The following BATF3 variants were observed in gnomAD, a reference collection of about 807,000 sequenced individuals.
The protein encoded by BATF3 is basic leucine zipper transcriptional factor ATF-like 3.
A neutral mutation model predicts 16.1 loss-of-function variants in BATF3; 8 were observed. The observed-to-expected ratio is 0.50, with a 90% CI of 0.29 to 0.90. The LOEUF is 0.90. BATF3 is among the 40% of genes least tolerant of loss of function. The probability of loss-of-function intolerance (pLI) is 0.08; values close to 1 mark genes in which losing one functional copy is unlikely to be tolerated. For synonymous variants in BATF3, 74 were observed against 72.7 expected (o/e 1.02, Z -0.09); for missense variants, 139 against 167.0 (o/e 0.83, Z 0.92).
chr1:212,693,855 C>T (rs535469859), intron 2 of BATF3, among the ~76,000 whole-genome samples: 1 of 152,272 alleles, frequency 6.6e-6, no homozygotes, highest in South Asian at 2.1e-4. Context: ...ACCTTCTGTG[C>T]TAGGCAGCAT....
intron 1 of BATF3, chr1:212,697,825 C>G (rs1385867693): frequency 6.6e-6 from 1 of 152,148 alleles, no homozygotes; most frequent in Non-Finnish European, 1.5e-5. Flanking sequence ...ACACTTCAAT[C>G]AGCTATAGAA....
At chr1:212,692,159 G>A (rs988953908) in intron 2 of BATF3, among the ~76,000 whole-genome samples, 6 of 152,126 alleles carry the variant, frequency 3.9e-5, no homozygotes, top group Non-Finnish European at 7.4e-5. Flanking sequence ...ACACTCCTAG[G>A]ACTTTGGAGA....
At chr1:212,696,395 A>C (rs1657128381) in intron 2 of BATF3, among the ~76,000 whole-genome samples, 1 of 151,732 alleles carries the variant, frequency 6.6e-6, no homozygotes, top group South Asian at 2.1e-4. Context: ...CAGGGCACTG[A>C]TGGCTGCAAT....
rs765938038 is a variant in BATF3 at position 212,686,908 on chromosome 1, C to A, written c.267G>T (p.Lys89Asn). 2.5e-6 allele frequency: 4 copies of A among 1,614,240 alleles called. No individual in the cohort carries two copies. Among genetic ancestry groups the A allele is most frequent in the Non-Finnish European group, 3.4e-6 (4 of 1,180,044 alleles). ...REIGKLTEEL[K>N]HLTEALKEHE... ...GCTCCTTCAGTGCCTCTGTCAGGTGCTTCAGCTCCTCTGTCAGCTTCCCGA... is the reference window on the plus strand; with the variant it reads ...GCTCCTTCAGTGCCTCTGTCAGGTGATTCAGCTCCTCTGTCAGCTTCCCGA... Residue 89 changes from lysine (K) to asparagine (N), a missense_variant, in exon 3 of 3, where the codon AAG (lysine) becomes AAT (asparagine). By Grantham distance (94) the Lys-to-Asn change is moderately conservative (BLOSUM62 0). Coordinates refer to ENST00000243440, the MANE Select transcript of BATF3 (RefSeq NM_018664.3).
Position 212,686,707 on chromosome 1 carries a change from T to A in BATF3, c.*84A>T. On this transcript the variant is annotated 3_prime_UTR_variant, in exon 3 of 3. Coordinates refer to ENST00000243440, the MANE Select transcript of BATF3 (RefSeq NM_018664.3). ...AGGAGGCCTGGCCACAGGTGCCCCC[T>A]GTATACAATTGTGAAGGAAAAGCCT... is the stretch of plus-strand genomic sequence containing the variant. 1 of 1,488,772 alleles carries A rather than the reference T, an allele frequency of 6.7e-7. No individual in the cohort carries two copies. The allele number at this position is 1,488,772 out of a possible 1,614,324, so 92.2% of individuals were successfully genotyped here.
At chr1:212,691,186 G>C (rs1656993081) in intron 2 of BATF3, among the ~76,000 whole-genome samples, 1 of 152,144 alleles carries the variant, frequency 6.6e-6, no homozygotes, top group African/African-American at 2.4e-5. Context: ...CAGGATCAAG[G>C]ACTGGTAAAG....
chr1:212,687,045 C>T (rs749365779), intron 2 of BATF3, 66 bp from the exon 3 acceptor site: 17 of 1,040,878 alleles, frequency 1.6e-5, no homozygotes, highest in African/African-American at 4.7e-5. Context: ...CCTCCTGTGC[C>T]GCGCTGTTCA....
At chr1:212,690,528 T>C (rs1425751359) in intron 2 of BATF3, among the ~76,000 whole-genome samples, 1 of 152,112 alleles carries the variant, frequency 6.6e-6, no homozygotes. Flanking sequence ...GACGAGCCCT[T>C]TGAAAATAAC....
chr1:212,698,209 A>G (rs1409586175), intron 1 of BATF3: 1 of 152,266 alleles, frequency 6.6e-6, no homozygotes, highest in Admixed American at 6.5e-5. Flanking sequence ...CTTGATAAAC[A>G]AAACCAGAAC....
At position 212,686,762 on chromosome 1, in the gene BATF3, C is replaced by G; in HGVS notation, c.*29G>C. 1 of 1,593,304 alleles carries G rather than the reference C, an allele frequency of 6.3e-7. No homozygotes were observed. The highest frequency in any genetic ancestry group is 8.6e-7 in the Non-Finnish European group (1 of 1,167,820). ...CCCAGGTATGAAAATGACCAAGGCT[C>G]CTTGCTGGGCAGAGGAGTGTCCCCG... On this transcript the variant is annotated 3_prime_UTR_variant, in exon 3 of 3. Transcript: ENST00000243440.
chr1:212,687,725 A>G (rs961416251), intron 2 of BATF3, among the ~76,000 whole-genome samples: 16 of 152,016 alleles, frequency 1.1e-4, no homozygotes, highest in Non-Finnish European at 2.2e-4. Context: ...CAGGAGTTTG[A>G]GACCAGCCTG....
chr1:212,686,889 T>C lies in BATF3; in HGVS notation c.286A>G (p.Lys96Glu). ...AGCGGGCACATCTTCTCGTGCTCCT[T>C]CAGTGCCTCTGTCAGGTGCTTCAGC... ...EELKHLTEAL[K>E]EHEKMCPLLL... Residue 96 changes from lysine to glutamate, a missense_variant, in exon 3 of 3, where the codon AAG (lysine) becomes GAG (glutamate). Coordinates refer to ENST00000243440, the MANE Select transcript of BATF3 (RefSeq NM_018664.3). The C allele has an allele frequency of 6.2e-7, 1 of 1,614,216 alleles. No homozygotes were observed. The highest frequency in any genetic ancestry group is 8.5e-7 in the Non-Finnish European group (1 of 1,180,024).
In BATF3 at chr1:212,699,339, G is replaced by A. The variant is rs1236738470; in HGVS notation, c.90+334C>T. ...TCGCTGGCTGCGCCAGGATGGGGCG[G>A]CCCTCAGGGCAGTGCGGAGCCCACG... On this transcript the variant is annotated intron_variant, in intron 1 of 2. Transcript: ENST00000243440. The surrounding 1 kb of genome is among the most constrained non-coding windows in gnomAD (Gnocchi z 4.4). 1.3e-5 allele frequency among the ~76,000 whole-genome samples: 2 copies of A among 152,132 alleles called. No homozygotes were observed. The highest frequency in any genetic ancestry group is 2.9e-5 in the Non-Finnish European group (2 of 68,000).
At position 212,699,310 on chromosome 1, in the gene BATF3, G is replaced by T. The variant is rs1411426717; in HGVS notation, c.90+363C>A. Among the ~76,000 whole-genome samples the T allele has an allele frequency of 2.0e-5, 3 of 152,186 alleles. No homozygotes were observed. Among genetic ancestry groups the T allele is most frequent in the African/African-American group, 7.2e-5 (3 of 41,458 alleles). The stretch of plus-strand genomic sequence containing the variant: ...GGCTACAGGCGCGGGTGGTGGGGTG[G>T]CAGTCGCTGGCTGCGCCAGGATGGG... On this transcript the variant is annotated intron_variant, in intron 1 of 2. Transcript: ENST00000243440. The surrounding 1 kb of genome is among the most constrained non-coding windows in gnomAD (Gnocchi z 4.4).
At chr1:212,695,383 A>G (rs1363756750) in intron 2 of BATF3, among the ~76,000 whole-genome samples, 2 of 148,196 alleles carry the variant, frequency 1.3e-5, no homozygotes, top group African/African-American at 2.5e-5. Flanking sequence ...AGTTCCAGCT[A>G]CTCGGGAGGC....
intron 2 of BATF3, among the ~76,000 whole-genome samples, chr1:212,693,829 G>A (rs957406891): frequency 5.9e-5 from 9 of 152,164 alleles, no homozygotes; most frequent in African/African-American, 9.7e-5. Flanking sequence ...GTAAAATTCC[G>A]TGAGTATTTA....
chr1:212,689,500 C>T lies in BATF3; in HGVS notation c.196-2521G>A, dbSNP rs1437187629. ...CCTCTATCCTCCTCCCTGCCTCCCA[C>T]TCCCAAGCCTTCATGCCCTCCTTTG... On this transcript the variant is annotated intron_variant, in intron 2 of 2. Coordinates refer to ENST00000243440, the MANE Select transcript of BATF3 (RefSeq NM_018664.3). This position sits in a 1 kb window ranked among gnomAD's most constrained non-coding sequence, Gnocchi z 4.6. Among the ~76,000 whole-genome samples, 2 of 152,206 alleles carry T rather than the reference C, an allele frequency of 1.3e-5. No homozygotes were observed. The highest frequency in any genetic ancestry group is 4.8e-5 in the African/African-American group (2 of 41,440).
intron 2 of BATF3, among the ~76,000 whole-genome samples, chr1:212,693,420 G>A (rs955202454): frequency 3.9e-5 from 6 of 152,182 alleles, no homozygotes; most frequent in South Asian, 2.1e-4. Flanking sequence ...AGGTGGAGCC[G>A]CTGTCCTGGC....
intron 2 of BATF3, among the ~76,000 whole-genome samples, chr1:212,688,402 G>T (rs1297002827): frequency 2.0e-5 from 3 of 152,224 alleles, no homozygotes; most frequent in Non-Finnish European, 2.9e-5. Context: ...GGCCCAAGCC[G>T]CTGAGGATTC....
Sources: allele counts gnomAD v4.1 joint callset (sites outside exome capture counted in the v4.1 genomes callset), GRCh38; gene constraint gnomAD v4.1.1; non-coding constraint Gnocchi (gnomAD v3.1); transcripts MANE v1.5; gene names NCBI Gene and HGNC (gene_info 2026-07-23, HGNC 2026-07-21).